Variants in TARBP1 observed in about 807,000 individuals in gnomAD.
TARBP1 encodes tRNA guanosine 2 -O-methyltransferase TARBP1.
In TARBP1, 144 loss-of-function variants were observed where a neutral mutation model predicts 178.6. That is an observed-to-expected ratio of 0.81 (90% CI 0.70 to 0.93). The LOEUF (loss-of-function observed/expected upper bound fraction) is 0.93. Among genes scored for constraint, TARBP1 ranks in the 40% least tolerant of loss-of-function variants. The pLI is 0.00. For synonymous variants in TARBP1, 787 were observed against 781.0 expected (o/e 1.01, Z -0.13); for missense variants, 2,067 against 2,011.7 (o/e 1.03, Z -0.53).
intron 7 of TARBP1, among the ~76,000 whole-genome samples, chr1:234,459,554 C>T (rs507202): frequency 1.3e-5 from 2 of 151,792 alleles, no homozygotes; most frequent in East Asian, 3.9e-4. Context: ...GCTCACACCT[C>T]TAATCCCACA....
chr1:234,407,303 C>G (rs1329991002), intron 23 of TARBP1: 1 of 150,410 alleles, frequency 6.6e-6, no homozygotes, highest in Non-Finnish European at 1.5e-5. Context: ...ATAAAAATTA[C>G]TTGTAATTTT....
intron 20 of TARBP1, among the ~76,000 whole-genome samples, chr1:234,425,042 C>T (rs1663566699): frequency 6.8e-6 from 1 of 147,238 alleles, no homozygotes; most frequent in Non-Finnish European, 1.5e-5. Flanking sequence ...GCCTGGACAA[C>T]AAGAGCGAAA....
At chr1:234,445,002 A>G (rs1437735133) in intron 12 of TARBP1, among the ~76,000 whole-genome samples, 1 of 152,158 alleles carries the variant, frequency 6.6e-6, no homozygotes, top group Non-Finnish European at 1.5e-5. Context: ...GCTGCTCTAC[A>G]TAAAAAACTT....
At position 234,479,045 on chromosome 1, in the gene TARBP1, A is replaced by G. The variant is rs554460137; in HGVS notation, c.59T>C (p.Leu20Pro). The change falls in exon 1 of 30, where the codon CTT becomes CCT. Residue 20 changes from leucine to proline, a missense_variant. Physicochemically the swap from Leu to Pro is moderately conservative, Grantham distance 98 (BLOSUM62 -3). Transcript: ENST00000040877. ...TGCCTCCCCTTGGCACAGCGCCCCAAGCAGGGCCCGGGGGTCCCGGCTCTG... is the reference window on the plus strand; with the variant it reads ...TGCCTCCCCTTGGCACAGCGCCCCAGGCAGGGCCCGGGGGTCCCGGCTCTG... ...LSQSRDPRAL[L>P]GALCQGEASA... is the part of the protein sequence containing the mutation. The G allele has an allele frequency of 7.1e-6, 11 of 1,539,326 alleles. No individual in the cohort carries two copies. In the African/African-American group the frequency reaches 1.1e-4, roughly 16 times the overall value.
At position 234,478,851 on chromosome 1, in the gene TARBP1, C is replaced by G. The variant is rs745920000; in HGVS notation, c.253G>C (p.Asp85His). The change falls in exon 1 of 30, where the codon GAC becomes CAC. Residue 85 changes from aspartate to histidine, a missense_variant. Asp to His is a moderately conservative substitution (Grantham distance 81, BLOSUM62 -1). Transcript: ENST00000040877. The stretch of plus-strand genomic sequence containing the variant: ...CGGTGGCGAGGCTGCAGACTGGGGT[C>G]CGGGCCGCCCGCGGGGCGTCCGCGC... ...SLRGRPAGGP[D>H]PSLQPRHRRR... The G allele has an allele frequency of 7.9e-7, 1 of 1,259,356 alleles. No individual in the cohort carries two copies. The highest frequency in any genetic ancestry group is 3.4e-5 in the East Asian group (1 of 29,558). The allele number at this position is 1,259,356 out of a possible 1,614,324, so 78.0% of individuals were successfully genotyped here.
At chr1:234,404,291 T>C (rs969916618) in intron 24 of TARBP1, among the ~76,000 whole-genome samples, 5 of 152,170 alleles carry the variant, frequency 3.3e-5, no homozygotes, top group Non-Finnish European at 5.9e-5. Flanking sequence ...GCTGAAAGTC[T>C]ATGGGGTAAC....
chr1:234,431,591 T>C (rs1387980969), intron 14 of TARBP1, among the ~76,000 whole-genome samples: 1 of 152,244 alleles, frequency 6.6e-6, no homozygotes, highest in Admixed American at 6.5e-5. Context: ...ACTTACCACA[T>C]GTTAAGTGAA....
intron 13 of TARBP1, among the ~76,000 whole-genome samples, chr1:234,433,824 C>G (rs1664724734): frequency 6.6e-6 from 1 of 152,208 alleles, no homozygotes; most frequent in African/African-American, 2.4e-5. Context: ...TGTCTCCCTA[C>G]CTATGAGGGA....
intron 22 of TARBP1, among the ~76,000 whole-genome samples, chr1:234,410,866 G>T (rs1028865114): frequency 6.6e-6 from 1 of 152,192 alleles, no homozygotes; most frequent in Non-Finnish European, 1.5e-5. Context: ...TCAGGCCAGG[G>T]GTTTGAGATC....
At chr1:234,460,656 T>G (rs1029771814) in intron 6 of TARBP1, among the ~76,000 whole-genome samples, 1 of 152,188 alleles carries the variant, frequency 6.6e-6, no homozygotes, top group Admixed American at 6.5e-5. Context: ...CCTCCAAAAC[T>G]TAGACGGACC....
Position 234,429,475 on chromosome 1 carries a change from C to T in TARBP1, c.2812G>A (p.Val938Ile). 1.2e-6 allele frequency: 2 copies of T among 1,614,090 alleles called. No individual in the cohort carries two copies. The highest frequency in any genetic ancestry group is 1.7e-6 in the Non-Finnish European group (2 of 1,180,006). The stretch of plus-strand genomic sequence containing the variant: ...GGTAAAACTTGATCAGAAGAAAGAA[C>T]TGTGAGGGCTTCTAGTGCAGACTGC... The part of the protein sequence containing the change: ...TLQSALEALT[V>I]LSSDQVLPVF... The change falls in exon 16 of 30, where the codon GTT becomes ATT. Residue 938 changes from valine (V) to isoleucine (I), a missense_variant. By Grantham distance (29) the Val-to-Ile change is conservative (BLOSUM62 3). Coordinates refer to ENST00000040877, the MANE Select transcript of TARBP1 (RefSeq NM_005646.4).
At chr1:234,403,963 T>C (rs565390337) in intron 24 of TARBP1, among the ~76,000 whole-genome samples, 3 of 152,298 alleles carry the variant, frequency 2.0e-5, no homozygotes, top group South Asian at 2.1e-4. Flanking sequence ...GCTGGGATTA[T>C]AGGCATGAGC....
At chr1:234,457,577 A>G (rs142186862) in intron 9 of TARBP1, 90 bp downstream of exon 9, 15 of 803,066 alleles carry the variant, frequency 1.9e-5, no homozygotes, top group Middle Eastern at 3.8e-4. Flanking sequence ...AGCAATCATT[A>G]TATTTTATAT....
At chr1:234,398,296 A>AT in intron 26 of TARBP1, 86 bp downstream of exon 26, 1 of 1,135,728 alleles carries the variant, frequency 8.8e-7, no homozygotes. Flanking sequence ...TGATATTATT[A>AT]TTAACTACCT....
chr1:234,395,842 T>C (rs1056003274), intron 26 of TARBP1, among the ~76,000 whole-genome samples: 8 of 152,176 alleles, frequency 5.3e-5, no homozygotes, highest in African/African-American at 1.9e-4. Context: ...GAATAAGCTC[T>C]TGTGTTCTAG....
intron 12 of TARBP1, among the ~76,000 whole-genome samples, chr1:234,444,082 G>A (rs761746315): frequency 1.8e-4 from 28 of 152,174 alleles, no homozygotes; most frequent in Non-Finnish European, 1.8e-4. Context: ...TCACAGAACT[G>A]TACACTTAAA....
chr1:234,445,188 C>T lies in TARBP1; in HGVS notation c.2134+1615G>A, dbSNP rs149382117. On this transcript the variant is annotated intron_variant, in intron 12 of 29. Transcript: ENST00000040877. ...GGATCCCACCCTCCTCCCGGAAACA[C>T]GTTCTTCGCTGGCTTCCTGGTTTTC... Among the ~76,000 whole-genome samples, 55 of 152,222 alleles carry T rather than the reference C, an allele frequency of 3.6e-4. No homozygotes were observed. The East Asian group carries it at 9.7e-3, about 27-fold the overall frequency.
intron 12 of TARBP1, 33 bp from the exon 13 acceptor site, chr1:234,437,405 G>T: frequency 1.7e-6 from 2 of 1,156,488 alleles, no homozygotes; most frequent in South Asian, 3.1e-5. Context: ...CAACTAAAAT[G>T]ACAGCAGTTC....
intron 2 of TARBP1, 141 bp from the exon 3 acceptor site, chr1:234,471,398 A>G: frequency 1.6e-6 from 1 of 628,654 alleles, no homozygotes; most frequent in Non-Finnish European, 2.8e-6. Flanking sequence ...CCAGTTTTTC[A>G]AACAATAGTA....
Sources: gnomAD v4.1 joint callset for allele counts (sites outside exome capture counted in the v4.1 genomes callset) on GRCh38, gnomAD v4.1.1 for gene constraint, MANE v1.5 for transcripts, NCBI Gene and HGNC (gene_info 2026-07-23, HGNC 2026-07-21) for gene names.